TBXAS1: variants seen among roughly 807,000 people sequenced by gnomAD.
TBXAS1 encodes the protein thromboxane A synthase 1, also known as thromboxane-A synthase.
Under a neutral mutation model 60.7 loss-of-function variants are expected in TBXAS1, and 48 were observed. The ratio of observed to expected loss-of-function variants is 0.79; its 90% CI spans 0.63 to 1.01. The LOEUF (loss-of-function observed/expected upper bound fraction) is 1.01, where lower values mean the gene tolerates loss of function less well. Among genes scored for constraint, TBXAS1 ranks in the 50% least tolerant of loss-of-function variants. The pLI, the probability that TBXAS1 is intolerant of heterozygous loss-of-function variation, is 0.00. For synonymous variants in TBXAS1, 287 were observed against 269.7 expected (o/e 1.06, Z -0.63); for missense variants, 685 against 686.3 (o/e 1.00, Z 0.02).
intron 9 of TBXAS1, among the ~76,000 whole-genome samples, chr7:139,977,165 TC>T (rs1354724543): frequency 6.6e-6 from 1 of 152,128 alleles, no homozygotes. Context: ...GGTGTATTAG[TC>T]CGTTTTCACG....
chr7:139,927,425 G>A (rs894444138), intron 4 of TBXAS1, among the ~76,000 whole-genome samples: 24 of 151,968 alleles, frequency 1.6e-4, no homozygotes, highest in African/African-American at 5.3e-4. Flanking sequence ...AAAACTCTAC[G>A]CTTTAACATA....
At chr7:139,974,133 G>A (rs543288120) in intron 9 of TBXAS1, among the ~76,000 whole-genome samples, 1 of 152,214 alleles carries the variant, frequency 6.6e-6, no homozygotes, top group South Asian at 2.1e-4. Context: ...CTATAGGCAA[G>A]AACTTCAACT....
chr7:139,820,675 T>G (rs1798273579), intron 4 of TBXAS1, among the ~76,000 whole-genome samples: 1 of 152,134 alleles, frequency 6.6e-6, no homozygotes, highest in African/African-American at 2.4e-5. Flanking sequence ...TTTCACATGG[T>G]CCACTGGGTC....
intron 4 of TBXAS1, among the ~76,000 whole-genome samples, chr7:139,924,960 C>T (rs953843440): frequency 1.3e-5 from 2 of 152,076 alleles, no homozygotes; most frequent in Non-Finnish European, 2.9e-5. Context: ...AAAATGAGTT[C>T]ACTGTAGATG....
At chr7:139,784,237 TCTCTTC>T (rs1168812013) in intron 3 of TBXAS1, among the ~76,000 whole-genome samples, 2 of 147,874 alleles carry the variant, frequency 1.4e-5, no homozygotes, top group East Asian at 2.1e-4. Context: ...TCTCTCTCTC[TCTCTTC>T]CTTCCTTCCT....
chr7:139,866,313 T>C (rs1801414807), intron 1 of TBXAS1, among the ~76,000 whole-genome samples: 1 of 152,148 alleles, frequency 6.6e-6, no homozygotes, highest in Admixed American at 6.5e-5. Flanking sequence ...ACGCTAAGTA[T>C]TTGACAATAA....
rs141353512 is a variant in TBXAS1 at position 139,913,450 on chromosome 7, T to C, written c.333+2129T>C. On this transcript the variant is annotated intron_variant, in intron 4 of 12. Transcript: ENST00000448866. ...GCCTGTCATAGCACTTGAGACTGTCTGAGCCCCTAAGCCATGAGACGGCAC... is the reference window on the plus strand; with the variant it reads ...GCCTGTCATAGCACTTGAGACTGTCCGAGCCCCTAAGCCATGAGACGGCAC... The C allele has an allele frequency of 7.0e-3, 2,561 of 367,144 alleles. 17 individuals are homozygous for C. Among genetic ancestry groups the C allele is most frequent in the South Asian group, 0.025 (611 of 24,338 alleles). The allele number at this position is 367,144 out of a possible 1,614,324, so 22.7% of individuals were successfully genotyped here.
At chr7:139,922,226 C>T (rs1045211703) in intron 4 of TBXAS1, among the ~76,000 whole-genome samples, 2 of 151,754 alleles carry the variant, frequency 1.3e-5, no homozygotes, top group East Asian at 3.9e-4. Context: ...CTCAGCCTCC[C>T]GTGAAGCTGG....
chr7:139,962,234 G>C lies in TBXAS1; in HGVS notation c.1134+1G>C, dbSNP rs367988203. On this transcript the variant is annotated splice_donor_variant, in intron 9 of 12. Coordinates refer to ENST00000448866, the MANE Select transcript of TBXAS1 (RefSeq NM_001061.7). LOFTEE classifies it high-confidence loss of function. Reference sequence around the variant, plus strand: ...GGTAGACGTTTTTAAGGAGAAACACGTGAGTACAAGTTGGATCCAGTTACC... The same window carrying C: ...GGTAGACGTTTTTAAGGAGAAACACCTGAGTACAAGTTGGATCCAGTTACC... 6.2e-7 allele frequency: 1 copy of C among 1,614,096 alleles called. No homozygotes were observed. The highest frequency in any genetic ancestry group is 8.5e-7 in the Non-Finnish European group (1 of 1,180,032).
chr7:140,019,380 C>A (rs981736893), intron 12 of TBXAS1, among the ~76,000 whole-genome samples: 5 of 152,152 alleles, frequency 3.3e-5, no homozygotes, highest in African/African-American at 7.2e-5. Context: ...TCTCAACATA[C>A]AGTGCAGCAG....
intron 9 of TBXAS1, among the ~76,000 whole-genome samples, chr7:139,973,760 T>G (rs1429225343): frequency 6.6e-6 from 1 of 152,166 alleles, no homozygotes; most frequent in African/African-American, 2.4e-5. Context: ...ATTGGGTCGC[T>G]AGGACACAAA....
At chr7:139,901,824 G>C (rs776855959) in intron 3 of TBXAS1, among the ~76,000 whole-genome samples, 5 of 152,036 alleles carry the variant, frequency 3.3e-5, no homozygotes, top group Non-Finnish European at 5.9e-5. Flanking sequence ...CAGAATCTGA[G>C]AGCTGGTTAA....
In TBXAS1 at chr7:139,957,623, T is replaced by C. The variant is rs1809970544; in HGVS notation, c.689-11T>C. ...CCCTTTTCAATGCCACTTTTGTTTT[T>C]CTCTTTCAAGTATCATTTCCATCCA... On this transcript the variant is annotated splice_polypyrimidine_tract_variant and intron_variant, in intron 7 of 12. Coordinates refer to ENST00000448866, the MANE Select transcript of TBXAS1 (RefSeq NM_001061.7). The C allele has an allele frequency of 2.5e-6, 4 of 1,614,078 alleles. No individual in the cohort carries two copies. In the South Asian group the frequency reaches 3.3e-5, roughly 13 times the overall value.
chr7:139,842,445 G>C (rs1041360924), intron 1 of TBXAS1, among the ~76,000 whole-genome samples: 1 of 152,094 alleles, frequency 6.6e-6, no homozygotes, highest in Non-Finnish European at 1.5e-5. Flanking sequence ...AACAACTATC[G>C]CTTGCCACTG....
At chr7:139,915,049 G>T (rs1296297663) in intron 4 of TBXAS1, among the ~76,000 whole-genome samples, 5 of 152,140 alleles carry the variant, frequency 3.3e-5, no homozygotes, top group Admixed American at 6.5e-5. Context: ...TCATAGATAA[G>T]ATCTCCAGGA....
rs1292327840 is a variant in TBXAS1, at chr7:139,962,147, C to A, written c.1048C>A (p.Leu350Ile). 6.2e-7 allele frequency: 1 copy of A among 1,614,242 alleles called. No homozygotes were observed. The highest frequency in any genetic ancestry group is 1.1e-5 in the South Asian group (1 of 91,090). ...IAGYEIITNT[L>I]SFATYLLATN... ...TGGCTATGAAATCATCACCAACACA[C>A]TTTCTTTTGCCACCTACCTACTGGC... The change falls in exon 9 of 13, where the codon CTT (leucine) becomes ATT (isoleucine). Residue 350 changes from leucine to isoleucine, a missense_variant. Leu to Ile is a conservative substitution (Grantham distance 5). Transcript: ENST00000448866.
chr7:140,011,070 A>G (rs1036528311), intron 10 of TBXAS1, among the ~76,000 whole-genome samples: 2 of 152,046 alleles, frequency 1.3e-5, no homozygotes, highest in African/African-American at 4.8e-5. Context: ...TGAGTTCAGG[A>G]GTTCAAGACC....
chr7:140,000,170 C>A (rs1813570064), intron 9 of TBXAS1, among the ~76,000 whole-genome samples: 1 of 152,090 alleles, frequency 6.6e-6, no homozygotes, highest in Non-Finnish European at 1.5e-5. Flanking sequence ...GAGTTAGTTC[C>A]CTAAACCATC....
intron 9 of TBXAS1, among the ~76,000 whole-genome samples, chr7:139,967,560 G>C (rs1175943393): frequency 6.6e-6 from 1 of 152,216 alleles, no homozygotes; most frequent in Non-Finnish European, 1.5e-5. Context: ...TGGCATCCCA[G>C]TGACTTCGAG....
Sources: gnomAD v4.1 joint callset for allele counts (sites outside exome capture counted in the v4.1 genomes callset) on GRCh38, gnomAD v4.1.1 for gene constraint, MANE v1.5 for transcripts, NCBI Gene and HGNC (gene_info 2026-07-23, HGNC 2026-07-21) for gene names.